ANKRD11: variants seen among roughly 807,000 people sequenced by gnomAD.
ANKRD11 encodes the protein ankyrin repeat domain 11, also known as ankyrin repeat domain-containing protein 11.
A neutral mutation model predicts 195.7 loss-of-function variants in ANKRD11; 17 were observed. The ratio of observed to expected loss-of-function variants is 0.09; its 90% CI spans 0.06 to 0.13. The LOEUF is 0.13. ANKRD11 is among the 10% of genes least tolerant of loss of function. The probability of loss-of-function intolerance (pLI) is 1.00; values close to 1 mark genes in which losing one functional copy is unlikely to be tolerated. For missense variants in ANKRD11, 3,735 were observed against 3,566.1 expected (o/e 1.05, Z -1.21); for synonymous variants, 1,953 against 1,528.1 (o/e 1.28, Z -6.49).
chr16:89,436,770 T>C (rs2043232606), intron 1 of ANKRD11, among the ~76,000 whole-genome samples: 1 of 152,368 alleles, frequency 6.6e-6, no homozygotes, highest in Non-Finnish European at 1.5e-5. Context: ...AATAAAGTTA[T>C]TCTAATCCCC....
chr16:89,427,247 T>C (rs954745812), intron 1 of ANKRD11, among the ~76,000 whole-genome samples: 3 of 152,176 alleles, frequency 2.0e-5, no homozygotes, highest in Non-Finnish European at 4.4e-5. Flanking sequence ...CAAAACACTG[T>C]TGAAAGAAAC....
intron 2 of ANKRD11, among the ~76,000 whole-genome samples, chr16:89,367,918 C>T (rs1455992267): frequency 1.3e-5 from 2 of 152,154 alleles, no homozygotes; most frequent in Non-Finnish European, 2.9e-5. Context: ...GTGGGAGGAT[C>T]ACTTGAGCCC....
intron 2 of ANKRD11, 44 bp downstream of exon 2, chr16:89,418,240 A>T (rs1267034003): frequency 4.2e-5 from 19 of 450,230 alleles, no homozygotes; most frequent in South Asian, 2.6e-4. Flanking sequence ...TTTACAAATC[A>T]ATGACAAAAA....
At chr16:89,397,370 C>A (rs537283216) in intron 2 of ANKRD11, among the ~76,000 whole-genome samples, 1 of 152,266 alleles carries the variant, frequency 6.6e-6, no homozygotes, top group Non-Finnish European at 1.5e-5. Flanking sequence ...TTTACAAAAT[C>A]TGAGTTTTCT....
intron 1 of ANKRD11, among the ~76,000 whole-genome samples, chr16:89,487,736 T>A (rs551961655): frequency 6.6e-6 from 1 of 151,984 alleles, no homozygotes; most frequent in Non-Finnish European, 1.5e-5. Flanking sequence ...ATTGCGCCAC[T>A]GCACTCCAGC....
Position 89,282,379 on chromosome 16 carries a change from T to A in ANKRD11, c.4163A>T (p.Asp1388Val), listed in dbSNP as rs747299201. ...EDYKEGGSRK[D>V]SGQYEKDFLE... Reference sequence around the variant, plus strand: ...GAAGTCCTTTTCGTACTGGCCGGAGTCCTTCCTGCTACCGCCCTCCTTGTA... The same window carrying A: ...GAAGTCCTTTTCGTACTGGCCGGAGACCTTCCTGCTACCGCCCTCCTTGTA... Residue 1388 changes from aspartate (D) to valine (V), a missense_variant, in exon 9 of 13, where the codon GAC becomes GTC. By Grantham distance (152) the Asp-to-Val change is radical (BLOSUM62 -3). Coordinates refer to ENST00000301030, the MANE Select transcript of ANKRD11 (RefSeq NM_013275.6). The A allele has an allele frequency of 1.2e-6, 2 of 1,614,012 alleles. No homozygotes were observed. Among genetic ancestry groups the A allele is most frequent in the Non-Finnish European group, 1.7e-6 (2 of 1,179,992 alleles).
intron 3 of ANKRD11, among the ~76,000 whole-genome samples, chr16:89,307,018 G>T (rs116044754): frequency 6.6e-6 from 1 of 150,590 alleles, no homozygotes; most frequent in South Asian, 2.1e-4. Context: ...GTGGGGAGGG[G>T]GCAGTGTGAC....
intron 2 of ANKRD11, among the ~76,000 whole-genome samples, chr16:89,347,510 C>T (rs1287572270): frequency 2.6e-5 from 4 of 150,986 alleles, no homozygotes; most frequent in Non-Finnish European, 5.9e-5. Flanking sequence ...ACTAGGGAGG[C>T]TGAGGCAGGA....
chr16:89,458,903 A>T (rs1339431978), intron 1 of ANKRD11: 2 of 152,298 alleles, frequency 1.3e-5, no homozygotes, highest in Non-Finnish European at 2.9e-5. Context: ...GGGTCCTGGC[A>T]CTGGCAAGGG....
chr16:89,377,832 C>A (rs753757435), intron 2 of ANKRD11, among the ~76,000 whole-genome samples: 1 of 152,076 alleles, frequency 6.6e-6, no homozygotes, highest in Non-Finnish European at 1.5e-5. Flanking sequence ...AATGCGCCTG[C>A]CTCTCCTGCC....
intron 2 of ANKRD11, among the ~76,000 whole-genome samples, chr16:89,355,618 T>G (rs1456847528): frequency 6.6e-6 from 1 of 152,146 alleles, no homozygotes; most frequent in Non-Finnish European, 1.5e-5. Flanking sequence ...AATGTCACAG[T>G]ATCGCCAGGA....
chr16:89,350,961 G>A (rs184462851), intron 2 of ANKRD11, among the ~76,000 whole-genome samples: 89 of 152,334 alleles, frequency 5.8e-4, no homozygotes, highest in African/African-American at 2.1e-3. Flanking sequence ...GCTTAGGTGT[G>A]TGGGAGGCTC....
chr16:89,291,879 C>T lies in ANKRD11; in HGVS notation c.227-696G>A, dbSNP rs1252167298. 9.5e-6 allele frequency: 7 copies of T among 733,094 alleles called. No homozygotes were observed. The highest frequency in any genetic ancestry group is 4.3e-5 in the South Asian group (3 of 69,762). 45.4% of individuals were successfully genotyped at this position (733,094 alleles called of 1,614,324 possible). On this transcript the variant is annotated intron_variant, in intron 4 of 12. Coordinates refer to ENST00000301030, the MANE Select transcript of ANKRD11 (RefSeq NM_013275.6). The surrounding 1 kb of genome is among the most constrained non-coding windows in gnomAD (Gnocchi z 5.3). ...AAGCACACCCTGCACTCATCTGACC[C>T]GTTACAGAACACTCGGCTGGCGTCT...
rs555433385 is a variant in ANKRD11 at position 89,318,842 on chromosome 16, G to T, written c.-59-1764C>A. On this transcript the variant is annotated intron_variant, in intron 2 of 12. Transcript: ENST00000301030. ...TATTCACTGCCTGACACCTCCACCC[G>T]CGGTGCAGGTGAGCAGGTGTTTCCA... Among the ~76,000 whole-genome samples, 5 of 152,336 alleles carry T rather than the reference G, an allele frequency of 3.3e-5. No individual in the cohort carries two copies. The South Asian group carries it at 1.0e-3, about 32-fold the overall frequency.
chr16:89,341,136 G>A (rs886937028), intron 2 of ANKRD11, among the ~76,000 whole-genome samples: 18 of 152,130 alleles, frequency 1.2e-4, no homozygotes, highest in Admixed American at 1.0e-3. Context: ...AAGAAATCAA[G>A]GTTTCCACTG....
rs201509886 is a variant in ANKRD11 at position 89,280,219 on chromosome 16, C to T, written c.6323G>A (p.Gly2108Asp). 397 of 1,607,584 alleles carry T rather than the reference C, an allele frequency of 2.5e-4. 1 individual carries two copies. The African/African-American group carries it at 5.0e-3, about 20-fold the overall frequency. ...CTCCACCTGGCCGAGGTGAGACAGG[C>T]CGCGGCTGCCGTCCAGGAAGCTATT... Reference protein sequence around the residue: ...LENSFLDGSRGLSHLGQVEPV... With the variant: ...LENSFLDGSRDLSHLGQVEPV... The change falls in exon 9 of 13, where the codon GGC becomes GAC. Residue 2108 changes from glycine (G) to aspartate (D), a missense_variant. By Grantham distance (94) the Gly-to-Asp change is moderately conservative. Coordinates refer to ENST00000301030, the MANE Select transcript of ANKRD11 (RefSeq NM_013275.6).
chr16:89,294,665 G>A (rs761284527), intron 4 of ANKRD11, among the ~76,000 whole-genome samples: 2 of 152,172 alleles, frequency 1.3e-5, no homozygotes, highest in Admixed American at 6.5e-5. Context: ...CCAACCCAGC[G>A]ACACCATGGT....
chr16:89,380,341 AC>A (rs1291818471), intron 2 of ANKRD11, among the ~76,000 whole-genome samples: 11 of 152,094 alleles, frequency 7.2e-5, no homozygotes, highest in Non-Finnish European at 1.3e-4. Flanking sequence ...CAAACTCCTG[AC>A]CTCAGGTGAT....
At chr16:89,379,365 A>G (rs1424941752) in intron 2 of ANKRD11, among the ~76,000 whole-genome samples, 1 of 152,242 alleles carries the variant, frequency 6.6e-6, no homozygotes, top group Non-Finnish European at 1.5e-5. Context: ...GTTACCAGTG[A>G]ACGGGGCTTT....
Sources: gnomAD v4.1 joint callset for allele counts (sites outside exome capture counted in the v4.1 genomes callset) on GRCh38, gnomAD v4.1.1 for gene constraint, Gnocchi (gnomAD v3.1) non-coding constraint, MANE v1.5 for transcripts, NCBI Gene and HGNC (gene_info 2026-07-23, HGNC 2026-07-21) for gene names.